ZNF140: variants seen among roughly 807,000 people sequenced by gnomAD.
ZNF140 encodes zinc finger protein 140 (clone pHZ-39).
A neutral mutation model predicts 12.9 loss-of-function variants in ZNF140; 13 were observed. The observed-to-expected ratio is 1.01, with a 90% CI of 0.66 to 1.60. The LOEUF is 1.60. Among genes scored for constraint, ZNF140 ranks in the 40% most tolerant of loss-of-function variants. ZNF140 has a pLI of 0.00. For missense variants in ZNF140, 531 were observed against 548.8 expected, an observed-to-expected ratio of 0.97 and a Z score of 0.32; for synonymous variants, 214 against 186.7, an observed-to-expected ratio of 1.15 and a Z score of -1.19.
Position 133,081,300 on chromosome 12 carries a change from C to T in ZNF140, c.-21C>T, listed in dbSNP as rs1954469807. 3.9e-6 allele frequency: 6 copies of T among 1,534,492 alleles called. No individual in the cohort carries two copies. Among genetic ancestry groups the T allele is most frequent in the Non-Finnish European group, 4.4e-6 (5 of 1,130,226 alleles). On this transcript the variant is annotated 5_prime_UTR_variant, in exon 2 of 5. Coordinates refer to ENST00000355557, the MANE Select transcript of ZNF140 (RefSeq NM_003440.4). ...CTGCCATTTTACACTTTTCTGATCT[C>T]CTCCTTCCCTTCTGTGAGCTATGTC...
Position 133,091,356 on chromosome 12 carries a change from A to C in ZNF140, c.232+7795A>C, listed in dbSNP as rs1298047798. Among the ~76,000 whole-genome samples the C allele has an allele frequency of 2.3e-3, 346 of 151,374 alleles. 5 individuals are homozygous for C. Among genetic ancestry groups the C allele is most frequent in the Non-Finnish European group, 3.4e-3 (230 of 67,926 alleles). On this transcript the variant is annotated intron_variant, in intron 4 of 4. Transcript: ENST00000355557. The stretch of plus-strand genomic sequence containing the variant: ...CTGCACAGCCCTAGATCCCTTAAAC[A>C]TTGATTTTATACAACACATGTTTTT...
chr12:133,097,520 A>G (rs1192007523), intron 4 of ZNF140, among the ~76,000 whole-genome samples: 14 of 151,636 alleles, frequency 9.2e-5, no homozygotes, highest in South Asian at 2.1e-4. Context: ...GTGGGCACCT[A>G]TAGTCCCAGC....
chr12:133,098,807 C>T (rs1270963770), intron 4 of ZNF140, among the ~76,000 whole-genome samples: 4 of 150,584 alleles, frequency 2.7e-5, no homozygotes, highest in African/African-American at 4.9e-5. Flanking sequence ...CGGGTCCAAG[C>T]GATTCTCCTA....
intron 4 of ZNF140, among the ~76,000 whole-genome samples, chr12:133,090,542 G>C (rs1330943784): frequency 6.6e-6 from 1 of 151,958 alleles, no homozygotes; most frequent in Non-Finnish European, 1.5e-5. Flanking sequence ...TTTATGAAGG[G>C]GTGGCCTGCC....
Position 133,106,624 on chromosome 12 carries a change from C to G in ZNF140, c.1347C>G (p.Tyr449Ter), listed in dbSNP as rs1955609509. The G allele has an allele frequency of 3.1e-6, 5 of 1,597,792 alleles. No individual in the cohort carries two copies. The highest frequency in any genetic ancestry group is 4.3e-6 in the Non-Finnish European group (5 of 1,174,672). ...NPYEYENSFN[Y>*]HSFLTEHQ ...ATGAATATGAAAATTCATTTAATTA[C>G]CACTCATTCCTTACTGAACACCAGT... is the stretch of plus-strand genomic sequence containing the variant. Residue 449 changes from tyrosine (Y) to a stop codon, truncating the protein, a stop_gained, in exon 5 of 5, where the codon TAC (tyrosine) becomes TAG (stop). Transcript: ENST00000355557. LOFTEE classifies it low-confidence loss of function (END_TRUNC).
chr12:133,091,197 A>G (rs1280115752), intron 4 of ZNF140, among the ~76,000 whole-genome samples: 14 of 150,628 alleles, frequency 9.3e-5, no homozygotes, highest in East Asian at 1.9e-4. Context: ...AACCTTGGAC[A>G]ATACCCTGCT....
chr12:133,101,691 C>T (rs1173935297), intron 4 of ZNF140, among the ~76,000 whole-genome samples: 2 of 152,156 alleles, frequency 1.3e-5, no homozygotes, highest in Non-Finnish European at 2.9e-5. Flanking sequence ...GATCTGCCAG[C>T]CTCCACCTCC....
At chr12:133,105,398 C>G in intron 4 of ZNF140, 112 bp from the exon 5 acceptor site, 1 of 1,117,812 alleles carries the variant, frequency 8.9e-7, no homozygotes, top group South Asian at 1.7e-5. Flanking sequence ...GTGAAAGCTG[C>G]TATTGATAAG....
chr12:133,105,988 A>G lies in ZNF140; in HGVS notation c.711A>G (p.Arg237=), dbSNP rs747208735. 43 of 1,614,020 alleles carry G rather than the reference A, an allele frequency of 2.7e-5. No individual in the cohort carries two copies. The highest frequency in any genetic ancestry group is 3.2e-5 in the Non-Finnish European group (38 of 1,180,040). Residue 237 remains arginine (R), a synonymous_variant, in exon 5 of 5, where the codon AGA becomes AGG. Transcript: ENST00000355557. ...SYLSFLIEHQ[R]THTGEKPYEC... The stretch of plus-strand genomic sequence containing the variant: ...TTTCATTTCTTATTGAACACCAGAG[A>G]ACGCACACTGGGGAGAAACCTTATG...
At chr12:133,101,025 CTGTAAT>C (rs1955328077) in intron 4 of ZNF140, 1 of 452,288 alleles carries the variant, frequency 2.2e-6, no homozygotes, top group African/African-American at 2.0e-5. Context: ...GAGAGGACTA[CTGTAAT>C]TCCCAGCCTT....
chr12:133,086,435 G>T (rs1025750192), intron 4 of ZNF140, among the ~76,000 whole-genome samples: 1 of 152,064 alleles, frequency 6.6e-6, no homozygotes. Flanking sequence ...GCACCTTTTC[G>T]TATGTTTATT....
At chr12:133,082,844 A>C (rs1954548971) in intron 2 of ZNF140, 5 of 326,216 alleles carry the variant, frequency 1.5e-5, no homozygotes, top group Non-Finnish European at 2.8e-5. Flanking sequence ...CATATTGTTC[A>C]TGTGTATAAT....
In ZNF140 at chr12:133,099,679, C is replaced by T. The variant is rs1233696874; in HGVS notation, c.233-5831C>T. On this transcript the variant is annotated intron_variant, in intron 4 of 4. Transcript: ENST00000355557. ...GTAACCTGGGCAATAAAGCAAGACC[C>T]TGTCTTTTAAAAAAATAAAATATTT... 2.6e-5 allele frequency among the ~76,000 whole-genome samples: 4 copies of T among 152,144 alleles called. No homozygotes were observed. The East Asian group carries it at 7.7e-4, about 29-fold the overall frequency.
At chr12:133,084,451 A>C (rs1954607226) in intron 4 of ZNF140, among the ~76,000 whole-genome samples, 1 of 152,154 alleles carries the variant, frequency 6.6e-6, no homozygotes, top group Non-Finnish European at 1.5e-5. Flanking sequence ...CTATCAAGGA[A>C]TTCATGGCCT....
intron 4 of ZNF140, among the ~76,000 whole-genome samples, chr12:133,099,696 A>G (rs1955266308): frequency 6.6e-6 from 1 of 152,108 alleles, no homozygotes; most frequent in African/African-American, 2.4e-5. Context: ...TTAAAAAAAT[A>G]AAATATTTAT....
intron 4 of ZNF140, among the ~76,000 whole-genome samples, chr12:133,091,636 T>G (rs1954895960): frequency 6.6e-6 from 1 of 150,754 alleles, no homozygotes; most frequent in Admixed American, 6.6e-5. Context: ...TATACACCTG[T>G]AGACTAATAA....
chr12:133,105,757 C>T lies in ZNF140; in HGVS notation c.480C>T (p.Pro160=). The T allele has an allele frequency of 1.2e-6, 2 of 1,614,140 alleles. No homozygotes were observed. Among genetic ancestry groups the T allele is most frequent in the Non-Finnish European group, 1.7e-6 (2 of 1,180,042 alleles). ...QHMNISTVER[P]YGCHECGKTF... ...TGAATATCAGTACTGTGGAGAGGCC[C>T]TATGGATGCCATGAATGTGGAAAAA... is the stretch of plus-strand genomic sequence containing the variant. Residue 160 remains proline (P), a synonymous_variant, in exon 5 of 5, where the codon CCC becomes CCT. Transcript: ENST00000355557.
At chr12:133,089,110 T>C (rs1954772425) in intron 4 of ZNF140, among the ~76,000 whole-genome samples, 1 of 152,248 alleles carries the variant, frequency 6.6e-6, no homozygotes, top group African/African-American at 2.4e-5. Flanking sequence ...TTCTGTCGTC[T>C]GGAAGAGATT....
chr12:133,091,368 C>T (rs2137520793), intron 4 of ZNF140, among the ~76,000 whole-genome samples: 1 of 151,380 alleles, frequency 6.6e-6, no homozygotes, highest in Middle Eastern at 3.4e-3. Context: ...TGATTTTATA[C>T]AACACATGTT....
Sources: gnomAD v4.1 joint callset for allele counts (sites outside exome capture counted in the v4.1 genomes callset) on GRCh38, gnomAD v4.1.1 for gene constraint, MANE v1.5 for transcripts, NCBI Gene and HGNC (gene_info 2026-07-23, HGNC 2026-07-21) for gene names.